FOXP2: variants seen among roughly 807,000 people sequenced by gnomAD.
The protein encoded by FOXP2 is forkhead box P2, also known as forkhead box protein P2.
A neutral mutation model predicts 115.8 loss-of-function variants in FOXP2; 12 were observed. The ratio of observed to expected loss-of-function variants is 0.10; its 90% CI spans 0.07 to 0.17. The LOEUF is 0.17. Ranked by LOEUF, FOXP2 falls within the 10% of genes least tolerant of loss-of-function variation. The probability of loss-of-function intolerance (pLI) is 1.00; values close to 1 mark genes in which losing one functional copy is unlikely to be tolerated. For missense variants in FOXP2, 629 were observed against 843.5 expected, an observed-to-expected ratio of 0.75 and a Z score of 3.15; for synonymous variants, 328 against 297.7, an observed-to-expected ratio of 1.10 and a Z score of -1.05.
rs1194331347 is a variant in FOXP2 at position 114,690,676 on chromosome 7, C to A, written c.*750C>A. On this transcript the variant is annotated 3_prime_UTR_variant, in exon 17 of 17. Transcript: ENST00000350908. ...CATTTGCATATCTGCATAGATCTTA[C>A]AACTGTACTCTTTACCTCCTTGTGA... is the stretch of plus-strand genomic sequence containing the variant. The A allele has an allele frequency of 4.4e-6, 2 of 454,486 alleles. No homozygotes were observed. The highest frequency in any genetic ancestry group is 4.4e-6 in the Non-Finnish European group (1 of 226,780). 28.2% of individuals were successfully genotyped at this position (454,486 alleles called of 1,614,324 possible). A position where few individuals can be genotyped will look rare whatever the true frequency, so the allele number is the denominator to read the frequency against.
chr7:114,167,223 C>T (rs181169879), intron 1 of FOXP2, among the ~76,000 whole-genome samples: 108 of 152,276 alleles, frequency 7.1e-4, no homozygotes, highest in African/African-American at 2.5e-3. Flanking sequence ...AACTGTGATA[C>T]ATCCAGACAA....
chr7:114,380,017 T>C (rs1351471197), intron 2 of FOXP2, among the ~76,000 whole-genome samples: 1 of 152,188 alleles, frequency 6.6e-6, no homozygotes, highest in Admixed American at 6.5e-5. Flanking sequence ...CAGAGGGGGT[T>C]ACCCCATATT....
chr7:114,136,644 T>C (rs1331342717), intron 1 of FOXP2, among the ~76,000 whole-genome samples: 2 of 151,514 alleles, frequency 1.3e-5, no homozygotes, highest in East Asian at 3.9e-4. Context: ...TTTGAAGAAT[T>C]GTAAGGCCAT....
intron 2 of FOXP2, among the ~76,000 whole-genome samples, chr7:114,384,593 C>A (rs759977327): frequency 1.3e-5 from 2 of 151,994 alleles, no homozygotes; most frequent in Non-Finnish European, 2.9e-5. Context: ...TAGGTCTGGT[C>A]GGACCTTTGT....
chr7:114,415,135 C>T lies in FOXP2; in HGVS notation c.-236C>T, dbSNP rs781694479. ...TTGTTTTAATTACCAGCACAAAATGCCATCAGTCTGGGACGTGATCGGGCA... is the reference window on the plus strand; with the variant it reads ...TTGTTTTAATTACCAGCACAAAATGTCATCAGTCTGGGACGTGATCGGGCA... On this transcript the variant is annotated 5_prime_UTR_variant, in exon 1 of 17. Coordinates refer to ENST00000350908, the MANE Select transcript of FOXP2 (RefSeq NM_014491.4). 1 of 454,156 alleles carries T rather than the reference C, an allele frequency of 2.2e-6. No homozygotes were observed. The highest frequency in any genetic ancestry group is 2.0e-5 in the African/African-American group (1 of 49,940). 28.1% of individuals were successfully genotyped at this position (454,156 alleles called of 1,614,324 possible).
In FOXP2 at chr7:114,466,589, A is replaced by T. The variant is rs530872360; in HGVS notation, c.168+39910A>T. Among the ~76,000 whole-genome samples the T allele has an allele frequency of 1.7e-3, 254 of 152,256 alleles. 1 individual carries two copies. Among genetic ancestry groups the T allele is most frequent in the South Asian group, 5.6e-3 (27 of 4,826 alleles). ...GATGCCAGTCTTGATGTAGTAGATGAATTTACTGATTTCTCCAGTCTTGGG... is the reference window on the plus strand; with the variant it reads ...GATGCCAGTCTTGATGTAGTAGATGTATTTACTGATTTCTCCAGTCTTGGG... On this transcript the variant is annotated intron_variant, in intron 2 of 16. Coordinates refer to ENST00000350908, the MANE Select transcript of FOXP2 (RefSeq NM_014491.4).
chr7:114,418,233 G>C (rs570362832), intron 1 of FOXP2, among the ~76,000 whole-genome samples: 2 of 152,032 alleles, frequency 1.3e-5, no homozygotes, highest in East Asian at 3.9e-4. Flanking sequence ...AATGAGAAAT[G>C]TTTCTGTGTT....
chr7:114,345,002 G>C (rs1028956059), intron 2 of FOXP2, among the ~76,000 whole-genome samples: 1 of 143,706 alleles, frequency 7.0e-6, no homozygotes, highest in Non-Finnish European at 1.6e-5. Context: ...ATGGAAAAAT[G>C]GATTGGAAGT....
At chr7:114,250,392 A>G (rs1267182263) in intron 1 of FOXP2, among the ~76,000 whole-genome samples, 2 of 152,152 alleles carry the variant, frequency 1.3e-5, no homozygotes, top group Non-Finnish European at 2.9e-5. Context: ...CAATGGTTGA[A>G]CTAGTTTACA....
At chr7:114,177,014 A>G (rs1458401677) in intron 1 of FOXP2, among the ~76,000 whole-genome samples, 2 of 151,960 alleles carry the variant, frequency 1.3e-5, no homozygotes, top group Non-Finnish European at 2.9e-5. Flanking sequence ...CCTCCCTGTT[A>G]TTGTGTATAG....
chr7:114,623,556 T>C (rs2129324560), intron 3 of FOXP2, among the ~76,000 whole-genome samples: 1 of 152,012 alleles, frequency 6.6e-6, no homozygotes, highest in South Asian at 2.1e-4. Flanking sequence ...AAGCATATGG[T>C]GTAGCATATT....
At chr7:114,462,051 C>A (rs892766300) in intron 2 of FOXP2, among the ~76,000 whole-genome samples, 9 of 151,894 alleles carry the variant, frequency 5.9e-5, no homozygotes, top group Admixed American at 2.0e-4. Flanking sequence ...GAGGCCGAGG[C>A]AGGCTGATCA....
intron 2 of FOXP2, among the ~76,000 whole-genome samples, chr7:114,329,692 T>A (rs566319212): frequency 1.4e-4 from 20 of 141,742 alleles, no homozygotes; most frequent in African/African-American, 4.8e-4. Context: ...TTATTTATTT[T>A]ATGAGATGCA....
intron 2 of FOXP2, among the ~76,000 whole-genome samples, chr7:114,459,856 T>C (rs1795485687): frequency 6.6e-6 from 1 of 152,134 alleles, no homozygotes; most frequent in Non-Finnish European, 1.5e-5. Flanking sequence ...CCTCAAGTGA[T>C]CCTCCCGCCT....
chr7:114,324,260 C>G (rs538344180), intron 2 of FOXP2, among the ~76,000 whole-genome samples: 1 of 151,708 alleles, frequency 6.6e-6, no homozygotes, highest in Non-Finnish European at 1.5e-5. Context: ...TGTACAGATA[C>G]CATATTATTA....
intron 2 of FOXP2, among the ~76,000 whole-genome samples, chr7:114,508,653 G>C (rs1169045791): frequency 2.0e-5 from 3 of 151,996 alleles, no homozygotes; most frequent in Non-Finnish European, 2.9e-5. Context: ...AGAAAGGTGA[G>C]CCATTAAAGA....
intron 6 of FOXP2, among the ~76,000 whole-genome samples, chr7:114,637,837 C>T (rs906970995): frequency 4.6e-5 from 7 of 152,054 alleles, no homozygotes; most frequent in African/African-American, 1.7e-4. Context: ...CAGAGTAGCT[C>T]TAGAGCAAGG....
intron 2 of FOXP2, among the ~76,000 whole-genome samples, chr7:114,313,066 G>T (rs1207943386): frequency 6.6e-6 from 1 of 152,176 alleles, no homozygotes; most frequent in African/African-American, 2.4e-5. Context: ...TACAGTGACT[G>T]AACATCTTCA....
chr7:114,531,636 A>T lies in FOXP2; in HGVS notation c.169-2981A>T, dbSNP rs181772454. Among the ~76,000 whole-genome samples the T allele has an allele frequency of 7.8e-3, 1,192 of 151,934 alleles. 8 individuals carry two copies. The highest frequency in any genetic ancestry group is 0.012 in the Non-Finnish European group (839 of 67,878). ...TCTTATGTTTACTATAGCAGTCTCT[A>T]CTCTACCAAAAGAATGTTGAAATAG... On this transcript the variant is annotated intron_variant, in intron 2 of 16. Coordinates refer to ENST00000350908, the MANE Select transcript of FOXP2 (RefSeq NM_014491.4).
Sources: gnomAD v4.1 joint callset for allele counts (sites outside exome capture counted in the v4.1 genomes callset) on GRCh38, gnomAD v4.1.1 for gene constraint, MANE v1.5 for transcripts, NCBI Gene and HGNC (gene_info 2026-07-23, HGNC 2026-07-21) for gene names.